The following CMSS1 variants were observed in gnomAD, a reference collection of about 807,000 sequenced individuals.
CMSS1 encodes the protein protein CMSS1.
In CMSS1, 33 loss-of-function variants were observed where a neutral mutation model predicts 43.5. That is an observed-to-expected ratio of 0.76 (90% CI 0.57 to 1.01). The LOEUF is 1.01. CMSS1 is among the 50% of genes least tolerant of loss of function. The pLI is 0.00. For missense variants in CMSS1, 313 were observed against 326.4 expected, an observed-to-expected ratio of 0.96 and a Z score of 0.32; for synonymous variants, 115 against 117.2, an observed-to-expected ratio of 0.98 and a Z score of 0.12.
intron 1 of CMSS1, among the ~76,000 whole-genome samples, chr3:100,136,881 A>G (rs2066760540): frequency 6.6e-6 from 1 of 152,238 alleles, no homozygotes; most frequent in South Asian, 2.1e-4. Context: ...GAAGCAATAA[A>G]AGATTGACCT....
intron 2 of CMSS1, among the ~76,000 whole-genome samples, chr3:100,150,854 C>CA (rs1388165258): frequency 6.6e-6 from 1 of 152,284 alleles, no homozygotes; most frequent in South Asian, 2.1e-4. Flanking sequence ...TTATGGTTCC[C>CA]AGAATATAAA....
At chr3:100,040,352 A>C (rs1233306510) in intron 1 of CMSS1, 1 of 152,234 alleles carries the variant, frequency 6.6e-6, no homozygotes, top group African/African-American at 2.4e-5. Flanking sequence ...GGCCATAAAC[A>C]GTATATTAAA....
intron 1 of CMSS1, among the ~76,000 whole-genome samples, chr3:100,112,439 A>G (rs1474633061): frequency 6.6e-6 from 1 of 152,224 alleles, no homozygotes; most frequent in African/African-American, 2.4e-5. Flanking sequence ...CAATGGCACA[A>G]TAAAATATCT....
chr3:100,044,130 A>C (rs2065245139), intron 1 of CMSS1, among the ~76,000 whole-genome samples: 1 of 152,230 alleles, frequency 6.6e-6, no homozygotes, highest in South Asian at 2.1e-4. Context: ...AGAACAAGAC[A>C]CATTGAGATT....
chr3:99,982,453 A>G (rs1265828363), intron 1 of CMSS1, among the ~76,000 whole-genome samples: 1 of 151,654 alleles, frequency 6.6e-6, no homozygotes, highest in African/African-American at 2.4e-5. Flanking sequence ...TGATCCTCCC[A>G]CCTCAGCCTC....
intron 1 of CMSS1, among the ~76,000 whole-genome samples, chr3:99,959,003 A>G (rs1173236501): frequency 6.6e-6 from 1 of 152,144 alleles, no homozygotes; most frequent in Non-Finnish European, 1.5e-5. Flanking sequence ...CTTGGTAACT[A>G]TTTGTTCCTT....
chr3:100,024,825 T>C (rs1335281013), intron 1 of CMSS1, among the ~76,000 whole-genome samples: 1 of 152,032 alleles, frequency 6.6e-6, no homozygotes, highest in Admixed American at 6.6e-5. Flanking sequence ...GGGTCCAGGG[T>C]GGTTACAAGG....
At chr3:99,931,053 G>T (rs758410311) in intron 1 of CMSS1, 10 of 1,602,552 alleles carry the variant, frequency 6.2e-6, no homozygotes, top group Non-Finnish European at 8.5e-6. Flanking sequence ...AAGAAAATTT[G>T]TAAAGCTTAA....
At chr3:100,127,239 T>C in intron 1 of CMSS1, among the ~76,000 whole-genome samples, 1 of 152,190 alleles carries the variant, frequency 6.6e-6, no homozygotes, top group Admixed American at 6.5e-5. Context: ...TTAAAGCCAT[T>C]TTCAACTGAG....
chr3:100,001,769 G>A (rs1363687155), intron 1 of CMSS1, among the ~76,000 whole-genome samples: 1 of 152,160 alleles, frequency 6.6e-6, no homozygotes, highest in Admixed American at 6.5e-5. Context: ...AAACCAGTCT[G>A]CCAAGTCTTT....
At chr3:100,108,970 G>A (rs890318598) in intron 1 of CMSS1, among the ~76,000 whole-genome samples, 2 of 151,838 alleles carry the variant, frequency 1.3e-5, no homozygotes, top group African/African-American at 4.8e-5. Flanking sequence ...GGTACTTAGA[G>A]TTTATTGCGT....
chr3:100,016,459 A>C (rs190529363), intron 1 of CMSS1, among the ~76,000 whole-genome samples: 1 of 152,320 alleles, frequency 6.6e-6, no homozygotes, highest in Non-Finnish European at 1.5e-5. Context: ...TGCTGGGATT[A>C]CAGGTGTGAG....
intron 1 of CMSS1, among the ~76,000 whole-genome samples, chr3:99,847,106 A>G (rs939059889): frequency 1.3e-5 from 2 of 152,122 alleles, no homozygotes; most frequent in African/African-American, 2.4e-5. Context: ...AATTCACACT[A>G]TATTACTTCT....
At chr3:99,914,264 T>G (rs1706883787) in intron 1 of CMSS1, among the ~76,000 whole-genome samples, 1 of 152,204 alleles carries the variant, frequency 6.6e-6, no homozygotes, top group South Asian at 2.1e-4. Context: ...CCTCAGACAT[T>G]TCAGAGAATG....
intron 1 of CMSS1, among the ~76,000 whole-genome samples, chr3:99,856,447 T>C (rs1943971074): frequency 6.6e-6 from 1 of 152,218 alleles, no homozygotes; most frequent in South Asian, 2.1e-4. Flanking sequence ...GTTCTAGTAC[T>C]GACACCACAG....
chr3:99,840,300 T>C (rs953211249), intron 1 of CMSS1, among the ~76,000 whole-genome samples: 2 of 139,128 alleles, frequency 1.4e-5, no homozygotes, highest in Non-Finnish European at 3.0e-5. Flanking sequence ...CTCAGATCAC[T>C]GCAACCTCTG....
chr3:100,037,901 G>T (rs1055973519), intron 1 of CMSS1, among the ~76,000 whole-genome samples: 30 of 150,408 alleles, frequency 2.0e-4, no homozygotes, highest in African/African-American at 7.1e-4. Context: ...ACACTAACTG[G>T]CTCTGAATCG....
At chr3:100,099,252 G>A (rs73859922) in intron 1 of CMSS1, among the ~76,000 whole-genome samples, 30,259 of 152,072 alleles carry the variant, frequency 0.2, 3,226 homozygotes, top group African/African-American at 0.27. Flanking sequence ...CACACTAGGA[G>A]CAATCAAATA....
intron 1 of CMSS1, among the ~76,000 whole-genome samples, chr3:99,983,563 A>G (rs1266510461): frequency 2.8e-5 from 4 of 142,570 alleles, no homozygotes; most frequent in Non-Finnish European, 4.6e-5. Flanking sequence ...GGTGGCAGGT[A>G]CCTGTAATCC....
Sources: allele counts gnomAD v4.1 joint callset (sites outside exome capture counted in the v4.1 genomes callset), GRCh38; gene constraint gnomAD v4.1.1; transcripts MANE v1.5; gene names NCBI Gene and HGNC (gene_info 2026-07-23, HGNC 2026-07-21).